Variants in ASTN2 observed in about 807,000 individuals in gnomAD.
ASTN2 encodes the protein astrotactin-2.
ASTN2 carries 54 observed loss-of-function variants against 139.8 expected under a neutral mutation model. The ratio of observed to expected loss-of-function variants is 0.39; its 90% CI spans 0.31 to 0.48. The LOEUF is 0.48. Among genes scored for constraint, ASTN2 ranks in the 20% least tolerant of loss-of-function variants. The pLI, the probability that ASTN2 is intolerant of heterozygous loss-of-function variation, is 0.95. For synonymous variants in ASTN2, 756 were observed against 719.5 expected, an observed-to-expected ratio of 1.05 and a Z score of -0.81; for missense variants, 1,565 against 1,725.1, an observed-to-expected ratio of 0.91 and a Z score of 1.64.
intron 20 of ASTN2, among the ~76,000 whole-genome samples, chr9:116,462,830 G>C (rs940368601): frequency 1.6e-5 from 2 of 123,020 alleles, no homozygotes; most frequent in African/African-American, 5.8e-5. Flanking sequence ...GTGTGTGTGT[G>C]TCTGCCCATA....
intron 19 of ASTN2, among the ~76,000 whole-genome samples, chr9:116,502,682 AGAAGGAAG>A (rs60618068): frequency 0.048 from 4,579 of 96,354 alleles, 209 homozygotes; most frequent in East Asian, 0.095. Flanking sequence ...AAGAAAGGAA[AGAAGGAAG>A]GAAGGAAGGA....
chr9:116,930,627 T>C (rs922210634), intron 10 of ASTN2, among the ~76,000 whole-genome samples: 5 of 152,134 alleles, frequency 3.3e-5, no homozygotes, highest in Admixed American at 1.3e-4. Context: ...GCATCAAAGA[T>C]TGGGCACTTG....
chr9:117,234,326 G>A (rs559849037), intron 2 of ASTN2, among the ~76,000 whole-genome samples: 35 of 152,166 alleles, frequency 2.3e-4, no homozygotes, highest in East Asian at 7.8e-4. Flanking sequence ...TGGCATATTC[G>A]GACCACCTTA....
At chr9:117,165,452 C>T (rs1339283331) in intron 3 of ASTN2, among the ~76,000 whole-genome samples, 1 of 152,072 alleles carries the variant, frequency 6.6e-6, no homozygotes, top group South Asian at 2.1e-4. Context: ...TGGAGCCCTG[C>T]CTGACTGACC....
At chr9:117,362,724 G>T (rs1829727206) in intron 1 of ASTN2, among the ~76,000 whole-genome samples, 1 of 152,054 alleles carries the variant, frequency 6.6e-6, no homozygotes, top group Non-Finnish European at 1.5e-5. Flanking sequence ...CCACCACTGT[G>T]CCCCATATCT....
At chr9:116,805,578 C>G (rs199946003) in intron 13 of ASTN2, 54 bp downstream of exon 13, 1 of 1,558,430 alleles carries the variant, frequency 6.4e-7, no homozygotes, top group Non-Finnish European at 8.8e-7. Flanking sequence ...CTCCCTGTGC[C>G]CAGGTTGTTT....
At chr9:117,198,250 A>T (rs563098550) in intron 3 of ASTN2, among the ~76,000 whole-genome samples, 2 of 151,448 alleles carry the variant, frequency 1.3e-5, no homozygotes, top group Non-Finnish European at 2.9e-5. Context: ...TCAATGTTCA[A>T]CTCCCACTTA....
chr9:116,766,799 C>T (rs1223571014), intron 13 of ASTN2, among the ~76,000 whole-genome samples: 1 of 150,926 alleles, frequency 6.6e-6, no homozygotes, highest in Non-Finnish European at 1.5e-5. Flanking sequence ...TAAACACACA[C>T]ACATTCATAC....
chr9:117,015,192 G>GT lies in ASTN2; in HGVS notation c.1424-6934dup, dbSNP rs202192806. ...CCATCACACCTGACTAATTTTTTGT[G>GT]TTTTTTTGTAGAGACAGGATTTTGA... On this transcript the variant is annotated intron_variant, in intron 6 of 22. Coordinates refer to ENST00000313400, the MANE Select transcript of ASTN2 (RefSeq NM_001365068.1). 7.8e-3 allele frequency among the ~76,000 whole-genome samples: 1,181 copies of GT among 151,954 alleles called. 4 individuals are homozygous for GT. Among genetic ancestry groups the GT allele is most frequent in the Non-Finnish European group, 0.013 (871 of 67,938 alleles).
intron 10 of ASTN2, among the ~76,000 whole-genome samples, chr9:116,928,025 C>T (rs1398777007): frequency 1.3e-5 from 2 of 152,264 alleles, no homozygotes; most frequent in East Asian, 3.9e-4. Context: ...TGCTAGAGAC[C>T]AGCCTTTCTC....
intron 10 of ASTN2, among the ~76,000 whole-genome samples, chr9:116,960,342 A>G (rs935882537): frequency 2.0e-5 from 3 of 152,080 alleles, no homozygotes; most frequent in Admixed American, 2.0e-4. Flanking sequence ...CCAGGCTTAG[A>G]CTATGCATGC....
chr9:117,335,566 C>A (rs1828856316), intron 1 of ASTN2, among the ~76,000 whole-genome samples: 1 of 152,110 alleles, frequency 6.6e-6, no homozygotes, highest in Non-Finnish European at 1.5e-5. Flanking sequence ...TCATTAATTT[C>A]CATAGTAAGT....
At chr9:116,842,917 C>T (rs1588344920) in intron 11 of ASTN2, among the ~76,000 whole-genome samples, 1 of 152,252 alleles carries the variant, frequency 6.6e-6, no homozygotes, top group East Asian at 1.9e-4. Flanking sequence ...GCCCCTGCTT[C>T]ACCTCTGCCT....
intron 11 of ASTN2, among the ~76,000 whole-genome samples, chr9:116,827,401 C>T (rs1363299826): frequency 6.7e-6 from 1 of 150,124 alleles, no homozygotes; most frequent in African/African-American, 2.5e-5. Flanking sequence ...AAGATCAGAG[C>T]AGAAATAAAT....
At chr9:117,098,553 G>A (rs541389796) in intron 4 of ASTN2, among the ~76,000 whole-genome samples, 12 of 152,208 alleles carry the variant, frequency 7.9e-5, no homozygotes, top group East Asian at 1.9e-4. Context: ...GGTCTGTCCC[G>A]GAGCCTTAGT....
At chr9:117,264,435 A>G (rs906688288) in intron 2 of ASTN2, among the ~76,000 whole-genome samples, 4 of 152,210 alleles carry the variant, frequency 2.6e-5, no homozygotes, top group African/African-American at 9.6e-5. Flanking sequence ...GTGATAAATT[A>G]CTGTGCCTTC....
rs1363426707 is a variant in ASTN2 at position 116,503,399 on chromosome 9, ACT to A, written c.3356-15901_3356-15900del. Among the ~76,000 whole-genome samples, 4 of 152,052 alleles carry A rather than the reference ACT, an allele frequency of 2.6e-5. 1 individual carries two copies. The East Asian group carries it at 7.8e-4, about 29-fold the overall frequency. ...CTCCCACCCACATATAGAGGTTTTCACTCTATTAAAATGACTCCCTTGCTTCC... is the reference window on the plus strand; with the variant it reads ...CTCCCACCCACATATAGAGGTTTTCACTATTAAAATGACTCCCTTGCTTCC... On this transcript the variant is annotated intron_variant, in intron 19 of 22. Transcript: ENST00000313400.
At chr9:117,167,457 C>T (rs1830695062) in intron 3 of ASTN2, among the ~76,000 whole-genome samples, 1 of 152,062 alleles carries the variant, frequency 6.6e-6, no homozygotes, top group Admixed American at 6.6e-5. Flanking sequence ...ATTTTAACCA[C>T]CCTTCCTAAA....
intron 5 of ASTN2, among the ~76,000 whole-genome samples, chr9:117,052,535 A>AACATCG (rs2132670389): frequency 6.6e-6 from 1 of 152,306 alleles, no homozygotes; most frequent in East Asian, 1.9e-4. Flanking sequence ...CGTCATCATC[A>AACATCG]TCAACAAATT....
Sources: allele counts gnomAD v4.1 joint callset (sites outside exome capture counted in the v4.1 genomes callset), GRCh38; gene constraint gnomAD v4.1.1; transcripts MANE v1.5; gene names NCBI Gene and HGNC (gene_info 2026-07-23, HGNC 2026-07-21).